The following USP11 variants were observed in gnomAD, a reference collection of about 807,000 sequenced individuals.
USP11 encodes the protein ubiquitin carboxyl-terminal hydrolase 11.
USP11 carries 5 observed loss-of-function variants against 72.8 expected under a neutral mutation model. The ratio of observed to expected loss-of-function variants is 0.07; its 90% CI spans 0.04 to 0.14. USP11 has a LOEUF of 0.14. Ranked by LOEUF, USP11 falls within the 10% of genes least tolerant of loss-of-function variation. USP11 has a pLI of 1.00. For missense variants in USP11, 480 were observed against 794.7 expected, an observed-to-expected ratio of 0.60 and a Z score of 4.76; for synonymous variants, 368 against 326.5, an observed-to-expected ratio of 1.13 and a Z score of -1.37.
chrX:47,242,402 C>A (rs1234358797), intron 10 of USP11, 37 bp from the exon 11 acceptor site: 5 of 1,208,503 alleles, frequency 4.1e-6, no homozygotes, highest in Non-Finnish European at 4.5e-6. Flanking sequence ...TCACCACAAG[C>A]CCTTTTGGTC....
intron 1 of USP11, among the ~76,000 whole-genome samples, chrX:47,235,703 A>C (rs941381216): frequency 9.0e-6 from 1 of 110,688 alleles, no homozygotes; most frequent in Admixed American, 9.7e-5. Context: ...AGGTTTACTC[A>C]CTACAGAGTT....
At chrX:47,245,286 T>G in intron 16 of USP11, 84 bp from the exon 17 acceptor site, 1 of 966,622 alleles carries the variant, frequency 1.0e-6, no homozygotes, top group Non-Finnish European at 1.5e-6. Context: ...ACTCAGTGTG[T>G]GTCTCCCCCG....
chrX:47,238,487 CTTT>C (rs57112058), intron 1 of USP11, among the ~76,000 whole-genome samples: 1 of 44,315 alleles, frequency 2.3e-5, no homozygotes, highest in Non-Finnish European at 3.6e-5. Flanking sequence ...TGTGCCCGGT[CTTT>C]TTTTTTTTTT....
At chrX:47,235,467 G>C (rs1279633478) in intron 1 of USP11, among the ~76,000 whole-genome samples, 1 of 111,106 alleles carries the variant, frequency 9.0e-6, no homozygotes, top group Non-Finnish European at 1.9e-5. Flanking sequence ...ATCATGTCCA[G>C]CCATTCCTCA....
intron 19 of USP11, 52 bp downstream of exon 19, chrX:47,247,471 G>C (rs1262282428): frequency 1.7e-6 from 2 of 1,181,835 alleles, no homozygotes; most frequent in Non-Finnish European, 2.3e-6. Context: ...GGGCAGGGGG[G>C]CGATCAGGAC....
chrX:47,244,897 C>T lies in USP11; in HGVS notation c.2059C>T (p.Arg687Cys). Residue 687 changes from arginine to cysteine, a missense_variant, in exon 15 of 21, where the codon CGC (arginine) becomes TGC (cysteine). Arg to Cys is a radical substitution (Grantham distance 180). This residue lies in a region of USP11 where 314 missense variants were observed against 556.0 expected (regional missense o/e 0.56). Transcript: ENST00000377107. ...QTVNSNGTSD[R>C]TTSPEEVHAQ... is the part of the protein sequence containing the mutation. ...GGTGAACTCCAATGGGACCAGCGAC[C>T]GCACAACCTCCCCTGAAGAAGTCCA... 1.7e-6 allele frequency: 2 copies of T among 1,211,868 alleles called. No individual in the cohort carries two copies. The highest frequency in any genetic ancestry group is 2.2e-6 in the Non-Finnish European group (2 of 895,537).
In USP11 at chrX:47,243,503, A is replaced by G; in HGVS notation, c.1691A>G (p.Tyr564Cys). Residue 564 changes from tyrosine to cysteine, a missense_variant, in exon 13 of 21, where the codon TAC becomes TGC. Physicochemically the swap from Tyr to Cys is radical, Grantham distance 194 (BLOSUM62 -2). Transcript: ENST00000377107. ...RTPARDYNNSYYGLMLFGHPL... is the reference protein window; with the variant it reads ...RTPARDYNNSCYGLMLFGHPL... ...CCTGCCCGTGACTACAACAACTCCTACTACGGCCTGATGCTTTTTGGACAC... is the reference window on the plus strand; with the variant it reads ...CCTGCCCGTGACTACAACAACTCCTGCTACGGCCTGATGCTTTTTGGACAC... 1.7e-6 allele frequency: 2 copies of G among 1,211,564 alleles called. No individual in the cohort carries two copies. Among genetic ancestry groups the G allele is most frequent in the South Asian group, 1.8e-5 (1 of 56,977 alleles).
At position 47,243,378 on chromosome X, in the gene USP11, G is replaced by A. The variant is rs2055414150; in HGVS notation, c.1584-18G>A. 2 of 1,209,890 alleles carry A rather than the reference G, an allele frequency of 1.7e-6. No homozygotes were observed. Among genetic ancestry groups the A allele is most frequent in the African/African-American group, 3.5e-5 (2 of 57,499 alleles). On this transcript the variant is annotated intron_variant, in intron 12 of 20. Coordinates refer to ENST00000377107, the MANE Select transcript of USP11 (RefSeq NM_001371072.1). ...CTGGGGGCCCTGATCAGGTGTGCCTGCTGTCCACCCCCCACAGCTATGAGG... is the reference window on the plus strand; with the variant it reads ...CTGGGGGCCCTGATCAGGTGTGCCTACTGTCCACCCCCCACAGCTATGAGG...
At position 47,245,384 on chromosome X, in the gene USP11, T is replaced by C; in HGVS notation, c.2172T>C (p.His724=). The change falls in exon 17 of 21, where the codon CAT becomes CAC. Residue 724 remains histidine, a synonymous_variant. Transcript: ENST00000377107. ...CCCAATCCTAGGGCTACGTGAAGCA[T>C]GACTGCGTCGGGTACGTGATGAAGA... is the stretch of plus-strand genomic sequence containing the variant. ...DEVEAEGYVK[H]DCVGYVMKKA... 1 of 1,211,035 alleles carries C rather than the reference T, an allele frequency of 8.3e-7. No individual in the cohort carries two copies. Among genetic ancestry groups the C allele is most frequent in the Admixed American group, 2.2e-5 (1 of 46,016 alleles).
In USP11 at chrX:47,248,110, G is replaced by A. The variant is rs2055446738; in HGVS notation, c.*180G>A. The A allele has an allele frequency of 2.9e-6, 2 of 698,525 alleles. No individual in the cohort carries two copies. The highest frequency in any genetic ancestry group is 4.4e-5 in the African/African-American group (2 of 45,136). 57.6% of individuals were successfully genotyped at this position (698,525 alleles called of 1,213,427 possible). The stretch of plus-strand genomic sequence containing the variant: ...TCTCTCCCGGGAAAGAACAGGTCGT[G>A]TCTCCTCCTAGCAGTGCGCGCCCCG... On this transcript the variant is annotated 3_prime_UTR_variant, in exon 21 of 21. Transcript: ENST00000377107.
chrX:47,241,008 C>G lies in USP11; in HGVS notation c.846+132C>G, dbSNP rs1390053808. On this transcript the variant is annotated intron_variant, in intron 7 of 20. Coordinates refer to ENST00000377107, the MANE Select transcript of USP11 (RefSeq NM_001371072.1). ...GGATGAAAGCTGAGGCCCCACAAGT[C>G]TGAAGTGGCACGCCCACGTTCATTC... 6.7e-5 allele frequency: 45 copies of G among 669,295 alleles called. No individual in the cohort carries two copies. Among genetic ancestry groups the G allele is most frequent in the South Asian group, 1.1e-4 (4 of 36,035 alleles). The allele number at this position is 669,295 out of a possible 1,213,427, so 55.2% of individuals were successfully genotyped here. A position where few individuals can be genotyped will look rare whatever the true frequency, so the allele number is the denominator to read the frequency against.
intron 17 of USP11, among the ~76,000 whole-genome samples, chrX:47,246,015 T>C (rs373831655): frequency 1.8e-5 from 2 of 111,639 alleles, no homozygotes; most frequent in East Asian, 5.6e-4. Context: ...CTCCTTACGA[T>C]GCTCAGGTCT....
rs746579138 is a variant in USP11, at chrX:47,247,781, C to G, written c.2626-12C>G. On this transcript the variant is annotated splice_polypyrimidine_tract_variant and intron_variant, in intron 20 of 20. Transcript: ENST00000377107. ...CCCACAATCCACACTGACTCCTGTC[C>G]TCTCCCCACAGTCCAAGGCAGCCTA... 4 of 1,208,499 alleles carry G rather than the reference C, an allele frequency of 3.3e-6. No homozygotes were observed. The highest frequency in any genetic ancestry group is 4.5e-6 in the Non-Finnish European group (4 of 893,871).
intron 2 of USP11, 61 bp downstream of exon 2, chrX:47,239,240 C>T: frequency 1.7e-6 from 2 of 1,176,998 alleles, no homozygotes. Context: ...TCCGTCCCTA[C>T]AGATGATCAT....
Position 47,247,056 on chromosome X carries a change from C to G in USP11, c.2271-16C>G, listed in dbSNP as rs375014356. ...AAAAGAAAAAGTCCGTTTGCTGACT[C>G]GGGCTCTGTCTGTAGGTACTGCCCT... is the stretch of plus-strand genomic sequence containing the variant. On this transcript the variant is annotated splice_polypyrimidine_tract_variant and intron_variant, in intron 17 of 20. Transcript: ENST00000377107. The G allele has an allele frequency of 2.5e-6, 3 of 1,186,731 alleles. No individual in the cohort carries two copies. The highest frequency in any genetic ancestry group is 3.4e-6 in the Non-Finnish European group (3 of 886,795).
intron 1 of USP11, among the ~76,000 whole-genome samples, chrX:47,236,278 C>G (rs983742445): frequency 1.8e-5 from 2 of 112,387 alleles, no homozygotes; most frequent in African/African-American, 6.5e-5. Context: ...TAATGCTTCT[C>G]TAGTAAGAGC....
chrX:47,239,757 T>C (rs767383093), intron 3 of USP11, 33 bp from the exon 4 acceptor site: 1 of 1,180,140 alleles, frequency 8.5e-7, no homozygotes, highest in South Asian at 1.8e-5. Context: ...TCTGTGTGAG[T>C]ACACCTGTGT....
At position 47,242,111 on chromosome X, in the gene USP11, C is replaced by T. The variant is rs1165286867; in HGVS notation, c.1209C>T (p.His403=). Residue 403 remains histidine, a synonymous_variant, in exon 10 of 21, where the codon CAC becomes CAT. Coordinates refer to ENST00000377107, the MANE Select transcript of USP11 (RefSeq NM_001371072.1). ...TGGCACAGGAGGCATGGCAAAACCA[C>T]AAACGGCGGAACGATTCTGTGATCG... ...QEVAQEAWQN[H]KRRNDSVIVD... 3.3e-6 allele frequency: 4 copies of T among 1,210,842 alleles called. No individual in the cohort carries two copies. In the South Asian group the frequency reaches 5.3e-5, roughly 16 times the overall value.
At chrX:47,233,525 G>C in intron 1 of USP11, 1 of 933,154 alleles carries the variant, frequency 1.1e-6, no homozygotes, top group Non-Finnish European at 1.3e-6. Context: ...GTAGGAACCT[G>C]GGAAGAAGGT....
Sources: allele counts gnomAD v4.1 joint callset (sites outside exome capture counted in the v4.1 genomes callset), GRCh38; gene constraint gnomAD v4.1.1; regional missense constraint gnomAD v4.1.1; transcripts MANE v1.5; gene names NCBI Gene and HGNC (gene_info 2026-07-23, HGNC 2026-07-21).